The following GSN variants were observed in gnomAD, a reference collection of about 807,000 sequenced individuals.
GSN encodes gelsolin.
In GSN, 56 loss-of-function variants were observed where a neutral mutation model predicts 85.7. That is an observed-to-expected ratio of 0.65 (90% CI 0.53 to 0.82). The LOEUF is 0.82. Ranked by LOEUF, GSN falls within the 40% of genes least tolerant of loss-of-function variation. The pLI is 0.00. For synonymous variants in GSN, 373 were observed against 399.1 expected (o/e 0.93, Z 0.78); for missense variants, 857 against 979.8 (o/e 0.87, Z 1.67).
rs2058106579 is a variant in GSN at position 121,286,580 on chromosome 9, G to T, written c.-10+5018G>T. 3 of 1,478,894 alleles carry T rather than the reference G, an allele frequency of 2.0e-6. No individual in the cohort carries two copies. In the African/African-American group the frequency reaches 4.2e-5, roughly 21 times the overall value. The allele number at this position is 1,478,894 out of a possible 1,614,324, so 91.6% of individuals were successfully genotyped here. Reference sequence around the variant, plus strand: ...TCCGTGGCTCTGTTGGGCCATGGGTGCTCCCTCCTTTGTGCTCCCAGGGCC... The same window carrying T: ...TCCGTGGCTCTGTTGGGCCATGGGTTCTCCCTCCTTTGTGCTCCCAGGGCC... On this transcript the variant is annotated intron_variant, in intron 2 of 17. Coordinates refer to ENST00000432226, the MANE Select transcript of GSN (RefSeq NM_198252.3).
intron 4 of GSN, among the ~76,000 whole-genome samples, chr9:121,217,798 GTATTATTAT>G (rs202182690): frequency 0.031 from 4,458 of 143,340 alleles, 178 homozygotes; most frequent in African/African-American, 0.098. Context: ...ATATAGAAAT[GTATTATTAT>G]TATTATTATT....
chr9:121,308,379 C>T (rs1445447845), intron 4 of GSN: 1 of 152,282 alleles, frequency 6.6e-6, no homozygotes, highest in Non-Finnish European at 1.5e-5. Context: ...GTGATCTTTG[C>T]TCTAAGAAAA....
chr9:121,299,817 C>T lies in GSN; in HGVS notation c.-9-2146C>T, dbSNP rs1375869365. 1.7e-5 allele frequency: 22 copies of T among 1,309,720 alleles called. No homozygotes were observed. Among genetic ancestry groups the T allele is most frequent in the Non-Finnish European group, 2.2e-5 (22 of 1,023,116 alleles). The allele number at this position is 1,309,720 out of a possible 1,614,324, so 81.1% of individuals were successfully genotyped here. A position where few individuals can be genotyped will look rare whatever the true frequency, so the allele number is the denominator to read the frequency against. ...CGGGCGGCTACTTAAGGTCGGCGAC[C>T]CGAGGCCGCGGCTGCCGACTGGGTC... On this transcript the variant is annotated intron_variant, in intron 2 of 17. Transcript: ENST00000432226. The surrounding 1 kb of genome is among the most constrained non-coding windows in gnomAD (Gnocchi z 4.2).
chr9:121,201,889 G>C, the GSN span: 1 of 152,622 alleles, frequency 6.6e-6, no homozygotes, highest in Admixed American at 6.5e-5. Context: ...CCCTGCACAG[G>C]GTTTCCTGTC....
At chr9:121,317,497 T>A in intron 8 of GSN, 1 of 445,834 alleles carries the variant, frequency 2.2e-6, no homozygotes, top group African/African-American at 2.0e-5. Context: ...TGGCATCCTG[T>A]AGAAATTATG....
intron 2 of GSN, chr9:121,284,237 A>G (rs1263221834): frequency 1.2e-5 from 2 of 167,122 alleles, no homozygotes; most frequent in East Asian, 3.9e-4. Flanking sequence ...AGACACAAGG[A>G]CCATCCTGAT....
upstream of GSN, among the ~76,000 whole-genome samples, chr9:121,204,446 ACT>A (rs1367765979): frequency 1.3e-5 from 2 of 152,192 alleles, no homozygotes; most frequent in Non-Finnish European, 2.9e-5. Context: ...GAACAGAAAC[ACT>A]CTTGTGGATG....
upstream of GSN, among the ~76,000 whole-genome samples, chr9:121,207,114 A>T (rs1471862450): frequency 6.6e-6 from 1 of 152,254 alleles, no homozygotes; most frequent in Non-Finnish European, 1.5e-5. Context: ...AGTTGAAATA[A>T]TGCGAGTTAA....
chr9:121,268,524 G>A (rs931353430), intron 1 of GSN, among the ~76,000 whole-genome samples: 1 of 152,108 alleles, frequency 6.6e-6, no homozygotes, highest in African/African-American at 2.4e-5. Flanking sequence ...CCCCCGGGAT[G>A]GGGGAACTGG....
upstream of GSN, among the ~76,000 whole-genome samples, chr9:121,264,517 A>G (rs2055158266): frequency 6.6e-6 from 1 of 152,188 alleles, no homozygotes; most frequent in Non-Finnish European, 1.5e-5. Context: ...AAACACACTA[A>G]ATCAGTTCTT....
intron 1 of GSN, among the ~76,000 whole-genome samples, chr9:121,275,027 C>A: frequency 6.6e-6 from 1 of 152,190 alleles, no homozygotes; most frequent in East Asian, 1.9e-4. Flanking sequence ...TTATTCCTAC[C>A]AGCCATCCGT....
Position 121,299,376 on chromosome 9 carries a change from G to A in GSN, c.-9-2587G>A. 1 of 972,408 alleles carries A rather than the reference G, an allele frequency of 1.0e-6. No individual in the cohort carries two copies. Among genetic ancestry groups the A allele is most frequent in the Non-Finnish European group, 1.2e-6 (1 of 818,050 alleles). The allele number at this position is 972,408 out of a possible 1,614,324, so 60.2% of individuals were successfully genotyped here. A position where few individuals can be genotyped will look rare whatever the true frequency, so the allele number is the denominator to read the frequency against. ...ATCCCGGCAGCACCATTTACAAGCTGTGTGCAAGTTGCTTCACCACTCTGC... is the reference window on the plus strand; with the variant it reads ...ATCCCGGCAGCACCATTTACAAGCTATGTGCAAGTTGCTTCACCACTCTGC... On this transcript the variant is annotated intron_variant, in intron 2 of 17. Transcript: ENST00000432226. This position sits in a 1 kb window ranked among gnomAD's most constrained non-coding sequence, Gnocchi z 4.2.
chr9:121,237,396 T>C (rs1479868039), intron 5 of GSN, among the ~76,000 whole-genome samples: 1 of 152,116 alleles, frequency 6.6e-6, no homozygotes, highest in Non-Finnish European at 1.5e-5. Context: ...ACCCTGTCTC[T>C]ACAAAAAGAA....
intron 6 of GSN, chr9:121,248,369 C>T (rs762987596): frequency 6.6e-6 from 1 of 152,202 alleles, no homozygotes; most frequent in Admixed American, 6.5e-5. Flanking sequence ...CTTAATCCTC[C>T]CTCCCTCTCT....
chr9:121,233,669 CAT>C (rs1436001090), intron 5 of GSN, among the ~76,000 whole-genome samples: 1 of 152,146 alleles, frequency 6.6e-6, no homozygotes, highest in East Asian at 1.9e-4. Flanking sequence ...CCAGCCAACT[CAT>C]AGAACCATGA....
rs2063634642 is a variant in GSN at position 121,329,378 on chromosome 9, T to C, written c.1965+63T>C. The C allele has an allele frequency of 1.0e-6, 1 of 997,540 alleles. No individual in the cohort carries two copies. Among genetic ancestry groups the C allele is most frequent in the Admixed American group, 1.7e-5 (1 of 59,106 alleles). 61.8% of individuals were successfully genotyped at this position (997,540 alleles called of 1,614,324 possible). A position where few individuals can be genotyped will look rare whatever the true frequency, so the allele number is the denominator to read the frequency against. On this transcript the variant is annotated intron_variant, in intron 16 of 17. Transcript: ENST00000432226. This position sits in a 1 kb window ranked among gnomAD's most constrained non-coding sequence, Gnocchi z 4.6. ...GGAGTGGGAGAAACTAGACTTCCAGTTCTATGATCAGTTGCTAGAAGGACC... is the reference window on the plus strand; with the variant it reads ...GGAGTGGGAGAAACTAGACTTCCAGCTCTATGATCAGTTGCTAGAAGGACC...
intron 2 of GSN, among the ~76,000 whole-genome samples, chr9:121,209,947 G>A (rs2053943475): frequency 6.6e-6 from 1 of 152,180 alleles, no homozygotes; most frequent in South Asian, 2.1e-4. Flanking sequence ...ATTTGGGCTA[G>A]GCCTTCACTT....
chr9:121,269,957 C>G (rs2055690726), intron 1 of GSN, among the ~76,000 whole-genome samples: 2 of 152,224 alleles, frequency 1.3e-5, no homozygotes, highest in African/African-American at 4.8e-5. Flanking sequence ...GAGGACAGAG[C>G]TCTCTGTCCT....
At chr9:121,311,546 C>T in intron 5 of GSN, 1 of 154,006 alleles carries the variant, frequency 6.5e-6, no homozygotes, top group Non-Finnish European at 1.4e-5. Context: ...AGAGCGAACA[C>T]ACTCACGTAA....
Sources: gnomAD v4.1 joint callset for allele counts (sites outside exome capture counted in the v4.1 genomes callset) on GRCh38, gnomAD v4.1.1 for gene constraint, Gnocchi (gnomAD v3.1) non-coding constraint, MANE v1.5 for transcripts, NCBI Gene and HGNC (gene_info 2026-07-23, HGNC 2026-07-21) for gene names.